The following KCNQ5 variants were observed in gnomAD, a reference collection of about 807,000 sequenced individuals.
The protein encoded by KCNQ5 is potassium voltage-gated channel subfamily Q member 5.
In KCNQ5, 30 loss-of-function variants were observed where a neutral mutation model predicts 98.2. The ratio of observed to expected loss-of-function variants is 0.31; its 90% CI spans 0.23 to 0.41. KCNQ5 has a LOEUF of 0.41. Ranked by LOEUF, KCNQ5 falls within the 10% of genes least tolerant of loss-of-function variation. The probability of loss-of-function intolerance (pLI) is 1.00; values close to 1 mark genes in which losing one functional copy is unlikely to be tolerated. For missense variants in KCNQ5, 835 were observed against 1,182.5 expected, an observed-to-expected ratio of 0.71 and a Z score of 4.31; for synonymous variants, 458 against 449.4, an observed-to-expected ratio of 1.02 and a Z score of -0.24.
chr6:73,012,837 A>T (rs1179064716), intron 2 of KCNQ5, among the ~76,000 whole-genome samples: 1 of 148,782 alleles, frequency 6.7e-6, no homozygotes, highest in Admixed American at 6.8e-5. Context: ...ACTAAAAATT[A>T]AAAAAAATTA....
At chr6:72,761,398 A>C (rs1479864670) in intron 1 of KCNQ5, among the ~76,000 whole-genome samples, 6 of 151,976 alleles carry the variant, frequency 3.9e-5, no homozygotes, top group Non-Finnish European at 8.8e-5. Flanking sequence ...TTAAATGATT[A>C]ATTGATAGTT....
intron 1 of KCNQ5, among the ~76,000 whole-genome samples, chr6:72,728,142 C>T (rs186254047): frequency 8.0e-4 from 122 of 152,278 alleles, no homozygotes; most frequent in South Asian, 7.5e-3. Flanking sequence ...AGTCATATAA[C>T]ATATGGTATA....
intron 1 of KCNQ5, among the ~76,000 whole-genome samples, chr6:72,920,198 G>A (rs1780330391): frequency 6.6e-6 from 1 of 152,106 alleles, no homozygotes; most frequent in African/African-American, 2.4e-5. Context: ...GGAGGCTGAG[G>A]CAGGGGATTC....
At chr6:73,123,996 T>A (rs1775847685) in intron 8 of KCNQ5, among the ~76,000 whole-genome samples, 1 of 152,170 alleles carries the variant, frequency 6.6e-6, no homozygotes, top group Admixed American at 6.5e-5. Flanking sequence ...GTAAATATTC[T>A]ATGTACCTTA....
chr6:72,639,346 G>A (rs760742724), intron 1 of KCNQ5, among the ~76,000 whole-genome samples: 7 of 152,234 alleles, frequency 4.6e-5, no homozygotes, highest in South Asian at 4.1e-4. Flanking sequence ...TAGAAGGCGA[G>A]GGGCCAGAAC....
At chr6:73,103,680 A>C (rs1342141241) in intron 5 of KCNQ5, among the ~76,000 whole-genome samples, 1 of 152,164 alleles carries the variant, frequency 6.6e-6, no homozygotes, top group Non-Finnish European at 1.5e-5. Flanking sequence ...AGAGAGTAGA[A>C]TGATGGGTAC....
chr6:72,761,522 A>T (rs1772273763), intron 1 of KCNQ5, among the ~76,000 whole-genome samples: 1 of 151,850 alleles, frequency 6.6e-6, no homozygotes, highest in Non-Finnish European at 1.5e-5. Context: ...ATGGTTCTTA[A>T]TAACCTACTA....
chr6:72,868,584 A>G (rs546168449), intron 1 of KCNQ5, among the ~76,000 whole-genome samples: 8 of 152,290 alleles, frequency 5.3e-5, no homozygotes, highest in South Asian at 2.1e-4. Flanking sequence ...TATTGCATTC[A>G]GTGAGTGTTA....
chr6:72,927,861 C>T (rs1048802829), intron 1 of KCNQ5, among the ~76,000 whole-genome samples: 4 of 151,840 alleles, frequency 2.6e-5, no homozygotes, highest in Admixed American at 6.6e-5. Flanking sequence ...ATAGATAATT[C>T]TGGACTCACA....
chr6:73,110,827 T>G (rs1215937793), intron 6 of KCNQ5, among the ~76,000 whole-genome samples: 1 of 152,168 alleles, frequency 6.6e-6, no homozygotes, highest in Non-Finnish European at 1.5e-5. Context: ...CTCATCAAAG[T>G]GCTAGAAGTA....
intron 1 of KCNQ5, among the ~76,000 whole-genome samples, chr6:72,901,225 G>C (rs1779491557): frequency 6.9e-6 from 1 of 144,448 alleles, no homozygotes; most frequent in African/African-American, 2.6e-5. Context: ...TGATTTATTT[G>C]AGTTTGTTGT....
chr6:73,084,794 T>G (rs551561824), intron 5 of KCNQ5, among the ~76,000 whole-genome samples: 16 of 152,336 alleles, frequency 1.1e-4, no homozygotes, highest in Admixed American at 3.3e-4. Context: ...TGTGTGGGCC[T>G]GCCCTTTCTC....
In KCNQ5 at chr6:73,195,083, C is replaced by T. The variant is rs1765738200; in HGVS notation, c.2468C>T (p.Pro823Leu). 3.1e-6 allele frequency: 5 copies of T among 1,614,102 alleles called. No homozygotes were observed. The highest frequency in any genetic ancestry group is 3.4e-6 in the Non-Finnish European group (4 of 1,180,028). ...CTGTTGTCTGTCTGTCCCATGGTGC[C>T]GAAGGACTTGGGCAAATCTTTGTCT... ...ETLLSVCPMV[P>L]KDLGKSLSVQ... The change falls in exon 14 of 14, where the codon CCG becomes CTG. Residue 823 changes from proline to leucine, a missense_variant. By Grantham distance (98) the Pro-to-Leu change is moderately conservative. Transcript: ENST00000370398.
intron 1 of KCNQ5, among the ~76,000 whole-genome samples, chr6:72,781,744 A>T (rs1012353582): frequency 1.1e-4 from 16 of 152,224 alleles, no homozygotes; most frequent in Non-Finnish European, 4.4e-5. Flanking sequence ...CTATGCTTGA[A>T]AAAAAGTATT....
chr6:72,722,876 G>A (rs370268667), intron 1 of KCNQ5, among the ~76,000 whole-genome samples: 3 of 127,836 alleles, frequency 2.3e-5, no homozygotes, highest in East Asian at 2.3e-4. Context: ...TTTGAGACAC[G>A]TCTCTTTCTG....
rs1207799784 is a variant in KCNQ5 at position 73,125,330 on chromosome 6, G to A, written c.1247+818G>A. The A allele has an allele frequency of 1.7e-4, 83 of 492,520 alleles. 1 individual carries two copies. Among genetic ancestry groups the A allele is most frequent in the South Asian group, 1.1e-3 (76 of 66,648 alleles). 30.5% of individuals were successfully genotyped at this position (492,520 alleles called of 1,614,324 possible). A position where few individuals can be genotyped will look rare whatever the true frequency, so the allele number is the denominator to read the frequency against. On this transcript the variant is annotated intron_variant, in intron 9 of 13. Coordinates refer to ENST00000370398, the MANE Select transcript of KCNQ5 (RefSeq NM_019842.4). ...GATCTGTGTTAATGAGTACCAGGAA[G>A]TGCCTAGATTTGAGAGCAAAGCCCT...
intron 3 of KCNQ5, among the ~76,000 whole-genome samples, chr6:73,066,181 A>T (rs1773050298): frequency 6.6e-6 from 1 of 152,180 alleles, no homozygotes; most frequent in African/African-American, 2.4e-5. Context: ...CATGTTAATT[A>T]TAAGATGTTT....
At chr6:72,751,304 G>A (rs1393402633) in intron 1 of KCNQ5, among the ~76,000 whole-genome samples, 2 of 138,356 alleles carry the variant, frequency 1.4e-5, no homozygotes, top group Admixed American at 6.9e-5. Context: ...GTGTGATTTG[G>A]ACTCAAAATG....
At chr6:72,890,752 C>T (rs1779026390) in intron 1 of KCNQ5, among the ~76,000 whole-genome samples, 1 of 152,186 alleles carries the variant, frequency 6.6e-6, no homozygotes, top group Non-Finnish European at 1.5e-5. Flanking sequence ...CAGTGACAAG[C>T]TTTGCAAAAG....
Sources: allele counts gnomAD v4.1 joint callset (sites outside exome capture counted in the v4.1 genomes callset), GRCh38; gene constraint gnomAD v4.1.1; transcripts MANE v1.5; gene names NCBI Gene and HGNC (gene_info 2026-07-23, HGNC 2026-07-21).